Variants in HIP1 observed in about 807,000 individuals in gnomAD.
HIP1 encodes the protein huntingtin interacting protein 1, also known as huntingtin-interacting protein 1.
In HIP1, 65 loss-of-function variants were observed where a neutral mutation model predicts 147.6. The observed-to-expected ratio is 0.44, with a 90% CI of 0.36 to 0.54. The LOEUF (loss-of-function observed/expected upper bound fraction) is 0.54, where lower values mean the gene tolerates loss of function less well. HIP1 is among the 20% of genes least tolerant of loss of function. HIP1 has a pLI of 0.00. For missense variants in HIP1, 1,061 were observed against 1,299.6 expected, an observed-to-expected ratio of 0.82 and a Z score of 2.82; for synonymous variants, 479 against 504.0, an observed-to-expected ratio of 0.95 and a Z score of 0.67.
chr7:75,573,703 C>A, intron 8 of HIP1, 58 bp downstream of exon 8: 1 of 1,559,772 alleles, frequency 6.4e-7, no homozygotes, highest in South Asian at 1.1e-5. Flanking sequence ...CATCCTCAGG[C>A]TGGGATCCTC....
intron 1 of HIP1, among the ~76,000 whole-genome samples, chr7:75,642,214 A>G (rs1272094966): frequency 6.6e-6 from 1 of 152,126 alleles, no homozygotes; most frequent in Non-Finnish European, 1.5e-5. Context: ...CCTGGGTAAC[A>G]GAGTGAGACC....
chr7:75,549,864 T>C (rs1486316132), intron 22 of HIP1, among the ~76,000 whole-genome samples: 1 of 144,034 alleles, frequency 6.9e-6, no homozygotes, highest in Non-Finnish European at 1.5e-5. Flanking sequence ...TTAATAGAGA[T>C]GGGGTCTCAC....
intron 1 of HIP1, among the ~76,000 whole-genome samples, chr7:75,655,012 A>G (rs1461127583): frequency 1.3e-5 from 2 of 152,166 alleles, no homozygotes; most frequent in Admixed American, 1.3e-4. Context: ...GTTAAACCGA[A>G]TTACCACATG....
intron 1 of HIP1, among the ~76,000 whole-genome samples, chr7:75,695,993 T>C (rs1344711263): frequency 6.6e-6 from 1 of 151,784 alleles, no homozygotes; most frequent in Admixed American, 6.6e-5. Context: ...AGCATCTCTT[T>C]TCTTTTCTTT....
intron 1 of HIP1, among the ~76,000 whole-genome samples, chr7:75,715,774 C>CAAAAA (rs34769081): frequency 5.2e-4 from 19 of 36,712 alleles, no homozygotes; most frequent in South Asian, 1.7e-3. Context: ...GATCCTGTCT[C>CAAAAA]AAAAAAAAAA....
At chr7:75,577,987 G>A (rs868971011) in intron 7 of HIP1, among the ~76,000 whole-genome samples, 4 of 152,116 alleles carry the variant, frequency 2.6e-5, no homozygotes, top group Non-Finnish European at 4.4e-5. Flanking sequence ...GCAACAGAGC[G>A]AGACTCTCTC....
chr7:75,541,051 G>C lies in HIP1; in HGVS notation c.2952+868C>G, dbSNP rs587604031. Among the ~76,000 whole-genome samples, 4 of 151,072 alleles carry C rather than the reference G, an allele frequency of 2.6e-5. No homozygotes were observed. In the East Asian group the frequency reaches 7.9e-4, roughly 30 times the overall value. The stretch of plus-strand genomic sequence containing the variant: ...AGGCTGAGGCAGGAGGGTTGTGTGA[G>C]GCCAGGAGTTGAGACCAGCCTGGGC... On this transcript the variant is annotated intron_variant, in intron 29 of 30. Transcript: ENST00000336926.
chr7:75,604,247 A>G (rs781808358), intron 1 of HIP1, among the ~76,000 whole-genome samples: 48 of 152,214 alleles, frequency 3.2e-4, no homozygotes, highest in Admixed American at 1.6e-3. Context: ...TACAAGGCAT[A>G]TAAACACATA....
chr7:75,605,283 AG>A, intron 1 of HIP1, among the ~76,000 whole-genome samples: 1 of 152,296 alleles, frequency 6.6e-6, no homozygotes, highest in African/African-American at 2.4e-5. Context: ...CACAGATGAC[AG>A]GCCTTCTGGG....
At chr7:75,547,998 T>G (rs1337139962) in intron 23 of HIP1, among the ~76,000 whole-genome samples, 185 bp from the exon 24 acceptor site, 6 of 151,694 alleles carry the variant, frequency 4.0e-5, no homozygotes, top group Non-Finnish European at 8.8e-5. Context: ...TCAGGGGGAG[T>G]GCAGCTGCAG....
intron 5 of HIP1, among the ~76,000 whole-genome samples, chr7:75,585,759 T>C (rs1554499502): frequency 6.6e-6 from 1 of 151,724 alleles, no homozygotes; most frequent in African/African-American, 2.4e-5. Flanking sequence ...GCCAGACCCC[T>C]GTACACCCCG....
chr7:75,551,082 G>T (rs1344608035), intron 22 of HIP1, among the ~76,000 whole-genome samples: 1 of 150,778 alleles, frequency 6.6e-6, no homozygotes, highest in Non-Finnish European at 1.5e-5. Context: ...AATGTGGAGT[G>T]AAAAAGCCAG....
Position 75,554,170 on chromosome 7 carries a change from C to T in HIP1, c.2101G>A (p.Asp701Asn), listed in dbSNP as rs781862653. ...SITLLAHLTSDAIAHGATTCL... is the reference protein window; with the variant it reads ...SITLLAHLTSNAIAHGATTCL... ...GTGGTGGCACCATGAGCAATGGCGT[C>T]GCTGGTCAAGTGGGCCAGCAGGGTT... The change falls in exon 21 of 31, where the codon GAC becomes AAC. Residue 701 changes from aspartate to asparagine, a missense_variant. Around this residue, in one of 3 missense-constraint regions of HIP1, gnomAD observed 810 missense variants for 946.8 expected, o/e 0.86. Coordinates refer to ENST00000336926, the MANE Select transcript of HIP1 (RefSeq NM_005338.7). 26 of 1,613,920 alleles carry T rather than the reference C, an allele frequency of 1.6e-5. 1 individual carries two copies. In the South Asian group the frequency reaches 1.6e-4, roughly 10 times the overall value.
chr7:75,615,918 T>G (rs1418161265), intron 1 of HIP1, among the ~76,000 whole-genome samples: 1 of 151,294 alleles, frequency 6.6e-6, no homozygotes, highest in Non-Finnish European at 1.5e-5. Flanking sequence ...AAACCTCGTC[T>G]CTACTAAAAA....
At position 75,614,845 on chromosome 7, in the gene HIP1, C is replaced by T. The variant is rs587644282; in HGVS notation, c.121-15598G>A. ...CTGGAGTGCAGTGGCGCGATCTCGG[C>T]GCATTGCAACCTCTGCCTCCCGGGT... On this transcript the variant is annotated intron_variant, in intron 1 of 30. Transcript: ENST00000336926. 9.5e-4 allele frequency among the ~76,000 whole-genome samples: 145 copies of T among 152,198 alleles called. 2 individuals are homozygous for T. Among genetic ancestry groups the T allele is most frequent in the South Asian group, 3.9e-3 (19 of 4,822 alleles).
intron 1 of HIP1, among the ~76,000 whole-genome samples, chr7:75,711,666 G>C (rs926954118): frequency 6.6e-6 from 1 of 152,206 alleles, no homozygotes; most frequent in Non-Finnish European, 1.5e-5. Flanking sequence ...GAAACCAGAG[G>C]AGAGGATAGA....
At chr7:75,558,385 G>A in intron 14 of HIP1, 130 bp from the exon 15 acceptor site, 1 of 716,928 alleles carries the variant, frequency 1.4e-6, no homozygotes, top group Non-Finnish European at 2.5e-6. Flanking sequence ...CACCCAGGCT[G>A]GGGTGCAGTG....
At chr7:75,643,871 G>T (rs1798724320) in intron 1 of HIP1, among the ~76,000 whole-genome samples, 2 of 152,072 alleles carry the variant, frequency 1.3e-5, no homozygotes, top group Non-Finnish European at 2.9e-5. Context: ...ATGGTGGCAG[G>T]CACCTGTAAT....
At chr7:75,659,056 T>C (rs1192808181) in intron 1 of HIP1, among the ~76,000 whole-genome samples, 1 of 152,206 alleles carries the variant, frequency 6.6e-6, no homozygotes, top group African/African-American at 2.4e-5. Context: ...ACACATCAAG[T>C]GACATTGACG....
Sources: allele counts gnomAD v4.1 joint callset (sites outside exome capture counted in the v4.1 genomes callset), GRCh38; gene constraint gnomAD v4.1.1; regional missense constraint gnomAD v4.1.1; transcripts MANE v1.5; gene names NCBI Gene and HGNC (gene_info 2026-07-23, HGNC 2026-07-21).